The following PDE1A variants were observed in gnomAD, a reference collection of about 807,000 sequenced individuals.
PDE1A encodes phosphodiesterase 1A.
A neutral mutation model predicts 61.7 loss-of-function variants in PDE1A; 35 were observed. The observed-to-expected ratio is 0.57, with a 90% CI of 0.43 to 0.75. The LOEUF (loss-of-function observed/expected upper bound fraction) is 0.75. Among genes scored for constraint, PDE1A ranks in the 30% least tolerant of loss-of-function variants. The probability of loss-of-function intolerance (pLI) is 0.00; values close to 1 mark genes in which losing one functional copy is unlikely to be tolerated. For synonymous variants in PDE1A, 232 were observed against 213.2 expected, an observed-to-expected ratio of 1.09 and a Z score of -0.77; for missense variants, 597 against 630.6, an observed-to-expected ratio of 0.95 and a Z score of 0.57.
At chr2:182,656,088 C>T in the PDE1A span, among the ~76,000 whole-genome samples, 3 of 152,186 alleles carry the variant, frequency 2.0e-5, no homozygotes, top group African/African-American at 7.2e-5. Context: ...ATTTCCCCCA[C>T]ATCATTCTAT....
At chr2:182,421,325 G>A (rs1703265483) in intron 1 of PDE1A, among the ~76,000 whole-genome samples, 1 of 152,108 alleles carries the variant, frequency 6.6e-6, no homozygotes, top group Non-Finnish European at 1.5e-5. Flanking sequence ...AACGACATTT[G>A]TGTAGCTCCT....
chr2:182,210,624 G>GTCTT (rs1687506034), intron 7 of PDE1A, among the ~76,000 whole-genome samples: 1 of 152,046 alleles, frequency 6.6e-6, no homozygotes, highest in South Asian at 2.1e-4. Flanking sequence ...TCTTGATAGT[G>GTCTT]TCTTTGGTAG....
At chr2:182,205,803 CAG>C (rs1371421974) in intron 8 of PDE1A, 135 bp downstream of exon 8, 10 of 708,048 alleles carry the variant, frequency 1.4e-5, no homozygotes, top group Non-Finnish European at 2.3e-5. Context: ...TAATCCTTCT[CAG>C]AGTCATCCAG....
At chr2:182,431,859 A>T (rs1237679999), upstream of PDE1A, among the ~76,000 whole-genome samples, 1 of 152,058 alleles carries the variant, frequency 6.6e-6, no homozygotes, top group Non-Finnish European at 1.5e-5. Context: ...CACTCCAGAG[A>T]GTTTCTATTC....
At chr2:182,199,984 C>T (rs966977737) in intron 10 of PDE1A, among the ~76,000 whole-genome samples, 1 of 150,276 alleles carries the variant, frequency 6.7e-6, no homozygotes, top group Admixed American at 6.7e-5. Context: ...TGTCCATCAA[C>T]AATGGGAGAC....
chr2:182,703,577 A>T, the PDE1A span, among the ~76,000 whole-genome samples: 3 of 152,160 alleles, frequency 2.0e-5, no homozygotes, highest in African/African-American at 4.8e-5. Context: ...AAATCTAAAG[A>T]AGAAAAAATG....
the PDE1A span, among the ~76,000 whole-genome samples, chr2:182,645,944 T>C: frequency 3.1e-4 from 47 of 152,346 alleles, 1 homozygote; most frequent in South Asian, 9.1e-3. Flanking sequence ...TTTCTAAATA[T>C]GCTGAATGAG....
At chr2:182,335,566 T>C (rs193005001) in intron 1 of PDE1A, among the ~76,000 whole-genome samples, 2 of 152,218 alleles carry the variant, frequency 1.3e-5, no homozygotes, top group East Asian at 3.9e-4. Context: ...GCTGGCCATA[T>C]GCAGAAAACA....
chr2:182,435,514 TAC>T lies in PDE1A; in HGVS notation c.101+86760_101+86761del, dbSNP rs1684341715. ...CAGTCATGCGGCATTCGCCTGCAGTTACAGAGGCTCACACCATCACATAAAAA... is the reference window on the plus strand; with the variant it reads ...CAGTCATGCGGCATTCGCCTGCAGTTAGAGGCTCACACCATCACATAAAAA... On this transcript the variant is annotated intron_variant, in intron 2 of 14. Transcript: ENST00000410103. Among the ~76,000 whole-genome samples the T allele has an allele frequency of 5.3e-5, 8 of 152,156 alleles. No homozygotes were observed. The South Asian group carries it at 1.5e-3, about 28-fold the overall frequency.
chr2:182,640,914 G>C, the PDE1A span, among the ~76,000 whole-genome samples: 1 of 151,292 alleles, frequency 6.6e-6, no homozygotes, highest in East Asian at 1.9e-4. Flanking sequence ...CAGCCACCTG[G>C]GAGGCTGAGG....
At chr2:182,406,287 C>T (rs1372051996) in intron 1 of PDE1A, among the ~76,000 whole-genome samples, 1 of 151,952 alleles carries the variant, frequency 6.6e-6, no homozygotes, top group Non-Finnish European at 1.5e-5. Flanking sequence ...TTTATTTAGT[C>T]ATTCTCATCT....
intron 2 of PDE1A, among the ~76,000 whole-genome samples, chr2:182,452,692 T>C (rs1419129202): frequency 6.6e-6 from 1 of 152,152 alleles, no homozygotes; most frequent in Non-Finnish European, 1.5e-5. Flanking sequence ...ACAACTTGCC[T>C]CATGTTTCAC....
intron 13 of PDE1A, among the ~76,000 whole-genome samples, chr2:182,179,047 T>G (rs1332203955): frequency 6.6e-6 from 1 of 152,148 alleles, no homozygotes; most frequent in Non-Finnish European, 1.5e-5. Context: ...AAACCCTGGA[T>G]TGACCAGGCT....
intron 2 of PDE1A, among the ~76,000 whole-genome samples, chr2:182,466,691 G>T (rs1286703328): frequency 6.6e-6 from 1 of 151,964 alleles, no homozygotes; most frequent in East Asian, 1.9e-4. Context: ...CAAAGAAGGG[G>T]TGTTACTCGT....
intron 2 of PDE1A, among the ~76,000 whole-genome samples, chr2:182,460,065 A>G (rs1265555850): frequency 6.6e-6 from 1 of 152,122 alleles, no homozygotes; most frequent in Non-Finnish European, 1.5e-5. Flanking sequence ...CATGGCCACA[A>G]TTGATACTAC....
chr2:182,212,595 C>G (rs113495489), intron 7 of PDE1A, among the ~76,000 whole-genome samples: 22,646 of 152,176 alleles, frequency 0.15, 2,167 homozygotes, highest in East Asian at 0.31. Context: ...GAGGCATTGC[C>G]TCACTTGGGA....
the PDE1A span, among the ~76,000 whole-genome samples, chr2:182,540,435 G>A: frequency 1.3e-5 from 2 of 150,594 alleles, no homozygotes; most frequent in Non-Finnish European, 3.0e-5. Flanking sequence ...AAGAGGTCAT[G>A]AGCACTTTAG....
intron 1 of PDE1A, among the ~76,000 whole-genome samples, chr2:182,354,661 C>G (rs1699076866): frequency 6.6e-6 from 1 of 152,008 alleles, no homozygotes; most frequent in Non-Finnish European, 1.5e-5. Context: ...TAAATGTGCT[C>G]AGGTTTTTGA....
chr2:182,562,380 C>A, the PDE1A span, among the ~76,000 whole-genome samples: 1 of 146,694 alleles, frequency 6.8e-6, no homozygotes, highest in Non-Finnish European at 1.5e-5. Context: ...TATATTGAAC[C>A]TGCCTTGCAT....
Sources: allele counts gnomAD v4.1 joint callset (sites outside exome capture counted in the v4.1 genomes callset), GRCh38; gene constraint gnomAD v4.1.1; transcripts MANE v1.5; gene names NCBI Gene and HGNC (gene_info 2026-07-23, HGNC 2026-07-21).